MARK2: variants seen among roughly 807,000 people sequenced by gnomAD.
MARK2 encodes the protein microtubule affinity regulating kinase 2.
Under a neutral mutation model 89.8 loss-of-function variants are expected in MARK2, and 16 were observed. The ratio of observed to expected loss-of-function variants is 0.18; its 90% CI spans 0.12 to 0.27. The LOEUF is 0.27. Among genes scored for constraint, MARK2 ranks in the 10% least tolerant of loss-of-function variants. The probability of loss-of-function intolerance (pLI) is 1.00; values close to 1 mark genes in which losing one functional copy is unlikely to be tolerated. For missense variants in MARK2, 621 were observed against 1,049.9 expected (o/e 0.59, Z 5.65); for synonymous variants, 382 against 399.5 (o/e 0.96, Z 0.52).
intron 1 of MARK2, among the ~76,000 whole-genome samples, chr11:63,871,498 T>A (rs539888635): frequency 6.8e-6 from 1 of 146,676 alleles, no homozygotes; most frequent in African/African-American, 2.6e-5. Context: ...GAGTATTCAC[T>A]GTGTGCAGGT....
rs780868528 is a variant in MARK2, at chr11:63,909,253, G to A, written c.*16G>A. ...GAAGCTTTAACAGGCTGCCAGGAGC[G>A]GGGGCGGCGGGGGCGGGCCAGCTGG... On this transcript the variant is annotated 3_prime_UTR_variant, in exon 19 of 19. Transcript: ENST00000402010. The A allele has an allele frequency of 1.3e-6, 2 of 1,560,742 alleles. No homozygotes were observed. Among genetic ancestry groups the A allele is most frequent in the South Asian group, 1.2e-5 (1 of 86,038 alleles).
chr11:63,880,571 A>T lies in MARK2; in HGVS notation c.55-14588A>T, dbSNP rs187739279. On this transcript the variant is annotated intron_variant, in intron 1 of 18. Transcript: ENST00000402010. ...GTCACAGCAAGACACAATGGTTTTG[A>T]TAGCAAAGCAGTAGAGAAACTAAAT... 3.9e-5 allele frequency among the ~76,000 whole-genome samples: 6 copies of T among 152,328 alleles called. No individual in the cohort carries two copies. The East Asian group carries it at 1.2e-3, about 29-fold the overall frequency.
Position 63,902,251 on chromosome 11 carries a change from T to C in MARK2, c.1155T>C (p.Asn385=), listed in dbSNP as rs1396519878. 6 of 1,614,066 alleles carry C rather than the reference T, an allele frequency of 3.7e-6. No individual in the cohort carries two copies. The South Asian group carries it at 5.5e-5, about 15-fold the overall frequency. Residue 385 remains asparagine, a synonymous_variant, in exon 12 of 19, where the codon AAT becomes AAC. Coordinates refer to ENST00000402010, the MANE Select transcript of MARK2 (RefSeq NM_001039469.3). The surrounding 1 kb of genome is among the most constrained non-coding windows in gnomAD (Gnocchi z 4.2). ...CCCGGCCTTCAGCTGATCTGACCAA[T>C]AGCAGCGCCCCATCCCCATCCCACA... ...LKPRPSADLT[N]SSAPSPSHKV... is the part of the protein sequence containing the mutation.
intron 1 of MARK2, among the ~76,000 whole-genome samples, chr11:63,850,461 C>G (rs908677922): frequency 6.6e-6 from 1 of 151,334 alleles, no homozygotes; most frequent in African/African-American, 2.4e-5. Context: ...GCCACTGCAC[C>G]CGCCCTAGTT....
At chr11:63,890,130 AG>A in intron 1 of MARK2, 1 of 624,364 alleles carries the variant, frequency 1.6e-6, no homozygotes. Context: ...TAGGTGAGGA[AG>A]TTGCCTCACT....
intron 1 of MARK2, among the ~76,000 whole-genome samples, chr11:63,850,886 A>C (rs1411844574): frequency 6.6e-6 from 1 of 151,656 alleles, no homozygotes; most frequent in African/African-American, 2.4e-5. Flanking sequence ...CTGGTCTTGA[A>C]TATTTGGCCT....
intron 17 of MARK2, 42 bp downstream of exon 17, chr11:63,906,156 TCTGTGTC>T: frequency 7.8e-7 from 1 of 1,275,622 alleles, no homozygotes. Context: ...TGTGTGTGTG[TCTGTGTC>T]CTGTGTCCTG....
At chr11:63,905,834 C>T (rs1041330623) in intron 16 of MARK2, among the ~76,000 whole-genome samples, 1 of 152,156 alleles carries the variant, frequency 6.6e-6, no homozygotes, top group Non-Finnish European at 1.5e-5. Flanking sequence ...CCTTCCTCTA[C>T]GTTTCACTCC....
intron 1 of MARK2, among the ~76,000 whole-genome samples, chr11:63,846,353 C>CA (rs112847807): frequency 8.0e-5 from 12 of 150,502 alleles, no homozygotes; most frequent in African/African-American, 2.9e-4. Flanking sequence ...CTCATTTCTA[C>CA]AAAAAAAAAA....
chr11:63,850,603 A>G (rs2016527608), intron 1 of MARK2, among the ~76,000 whole-genome samples: 1 of 152,098 alleles, frequency 6.6e-6, no homozygotes, highest in Non-Finnish European at 1.5e-5. Flanking sequence ...TAAAGAAAAA[A>G]AAACACCACC....
Position 63,903,872 on chromosome 11 carries a change from C to T in MARK2, c.1515-114C>T, listed in dbSNP as rs540665945. 1 of 835,508 alleles carries T rather than the reference C, an allele frequency of 1.2e-6. No individual in the cohort carries two copies. Among genetic ancestry groups the T allele is most frequent in the East Asian group, 2.7e-5 (1 of 37,396 alleles). The allele number at this position is 835,508 out of a possible 1,614,324, so 51.8% of individuals were successfully genotyped here. A position where few individuals can be genotyped will look rare whatever the true frequency, so the allele number is the denominator to read the frequency against. On this transcript the variant is annotated intron_variant, in intron 14 of 18. Transcript: ENST00000402010. The surrounding 1 kb of genome is among the most constrained non-coding windows in gnomAD (Gnocchi z 5.1). ...TCCCGCTGCTGCCCAGGCCTGACTT[C>T]TACCCTGCCAGAGCTCCCCAGCTCT... is the stretch of plus-strand genomic sequence containing the variant.
chr11:63,843,730 T>G (rs913821623), intron 1 of MARK2, among the ~76,000 whole-genome samples: 7 of 152,050 alleles, frequency 4.6e-5, no homozygotes, highest in Non-Finnish European at 7.4e-5. Flanking sequence ...GTCAAGCGAT[T>G]CTCCTGCCTC....
chr11:63,850,883 T>C (rs1182873738), intron 1 of MARK2, among the ~76,000 whole-genome samples: 2 of 152,124 alleles, frequency 1.3e-5, no homozygotes, highest in Non-Finnish European at 2.9e-5. Flanking sequence ...AGGCTGGTCT[T>C]GAATATTTGG....
At chr11:63,901,473 C>CTTTTTT (rs35231498) in intron 11 of MARK2, among the ~76,000 whole-genome samples, 1,222 of 57,672 alleles carry the variant, frequency 0.021, 147 homozygotes, top group Middle Eastern at 0.029. Context: ...GAGTCTGTTG[C>CTTTTTT]TTTTTTTTTT....
Position 63,904,975 on chromosome 11 carries a change from C to T in MARK2, c.1866C>T (p.Gly622=). ...GTGTGACCCCAGCCTCTCCCTCTGG[C>T]CACAGCCAGGGCCGGCGGGGGGCCT... ...PYGVTPASPS[G]HSQGRRGASG... The change falls in exon 16 of 19, where the codon GGC becomes GGT. Residue 622 remains glycine (G), a synonymous_variant. Transcript: ENST00000402010. The surrounding 1 kb of genome is among the most constrained non-coding windows in gnomAD (Gnocchi z 6.3). 1 of 1,614,212 alleles carries T rather than the reference C, an allele frequency of 6.2e-7. No homozygotes were observed.
intron 4 of MARK2, 26 bp downstream of exon 4, chr11:63,898,306 T>C (rs779441659): frequency 6.2e-7 from 1 of 1,606,916 alleles, no homozygotes; most frequent in East Asian, 2.2e-5. Context: ...TATTTCTTTC[T>C]TCTTCCCCAA....
chr11:63,879,096 G>A (rs1449948188), intron 1 of MARK2, among the ~76,000 whole-genome samples: 2 of 152,108 alleles, frequency 1.3e-5, no homozygotes, highest in Non-Finnish European at 2.9e-5. Context: ...CTTGAGGACA[G>A]GAGTTTGAGA....
In MARK2 at chr11:63,909,514, C is replaced by A; in HGVS notation, c.*277C>A. 3 of 351,448 alleles carry A rather than the reference C, an allele frequency of 8.5e-6. No individual in the cohort carries two copies. The highest frequency in any genetic ancestry group is 1.0e-5 in the Non-Finnish European group (2 of 193,728). 21.8% of individuals were successfully genotyped at this position (351,448 alleles called of 1,614,324 possible). The stretch of plus-strand genomic sequence containing the variant: ...GGAGGGTGGATGGGGGGGCAGGGCT[C>A]CCCCTCGGTACTGCGGTTGCACAGA... On this transcript the variant is annotated 3_prime_UTR_variant, in exon 19 of 19. Coordinates refer to ENST00000402010, the MANE Select transcript of MARK2 (RefSeq NM_001039469.3).
chr11:63,886,148 CGAG>C (rs1182811795), intron 1 of MARK2, among the ~76,000 whole-genome samples: 2 of 150,912 alleles, frequency 1.3e-5, no homozygotes, highest in African/African-American at 2.4e-5. Context: ...AAAAAAGAGA[CGAG>C]AGTCTAATTC....
Sources: gnomAD v4.1 joint callset for allele counts (sites outside exome capture counted in the v4.1 genomes callset) on GRCh38, gnomAD v4.1.1 for gene constraint, Gnocchi (gnomAD v3.1) non-coding constraint, MANE v1.5 for transcripts, NCBI Gene and HGNC (gene_info 2026-07-23, HGNC 2026-07-21) for gene names.